The following TCEA1 variants were observed in gnomAD, a reference collection of about 807,000 sequenced individuals.
TCEA1 encodes the protein transcription elongation factor A1.
In TCEA1, 21 loss-of-function variants were observed where a neutral mutation model predicts 43.8. The observed-to-expected ratio is 0.48, with a 90% CI of 0.34 to 0.69. TCEA1 has a LOEUF of 0.69. TCEA1 is among the 30% of genes least tolerant of loss of function. The probability of loss-of-function intolerance (pLI) is 0.01; values close to 1 mark genes in which losing one functional copy is unlikely to be tolerated. For missense variants in TCEA1, 250 were observed against 365.1 expected, an observed-to-expected ratio of 0.68 and a Z score of 2.57; for synonymous variants, 104 against 117.5, an observed-to-expected ratio of 0.88 and a Z score of 0.75.
In TCEA1 at chr8:53,977,355, C is replaced by T. The variant is rs566423275; in HGVS notation, c.825+1670G>A. Among the ~76,000 whole-genome samples, 19 of 152,248 alleles carry T rather than the reference C, an allele frequency of 1.2e-4. No homozygotes were observed. In the South Asian group the frequency reaches 2.1e-3, roughly 17 times the overall value. On this transcript the variant is annotated intron_variant, in intron 8 of 9. Coordinates refer to ENST00000521604, the MANE Select transcript of TCEA1 (RefSeq NM_006756.4). ...GAAAACAAAAATATTTGCATGTATACACATAAAATACCTAAGTTTCACAAC... is the reference window on the plus strand; with the variant it reads ...GAAAACAAAAATATTTGCATGTATATACATAAAATACCTAAGTTTCACAAC...
In TCEA1 at chr8:53,988,168, C is replaced by G. The variant is rs1803751956; in HGVS notation, c.412G>C (p.Asp138His). Residue 138 changes from aspartate (D) to histidine (H), a missense_variant, in exon 5 of 10, where the codon GAT (aspartate) becomes CAT (histidine). By Grantham distance (81) the Asp-to-His change is moderately conservative. Transcript: ENST00000521604. Reference protein sequence around the residue: ...SSFPRAPSTSDSVRLKCREML... With the variant: ...SSFPRAPSTSHSVRLKCREML... ...TCCCTACACTTCAACCGCACAGAAT[C>G]AGAAGTGCTTGGTGCCCGAGGAAAG... 6.2e-7 allele frequency: 1 copy of G among 1,612,880 alleles called. No individual in the cohort carries two copies. Among genetic ancestry groups the G allele is most frequent in the Non-Finnish European group, 8.5e-7 (1 of 1,179,488 alleles).
intron 9 of TCEA1, among the ~76,000 whole-genome samples, chr8:53,968,521 C>A (rs1803058723): frequency 6.6e-6 from 1 of 152,088 alleles, no homozygotes; most frequent in Admixed American, 6.6e-5. Flanking sequence ...TCAAAGCAAA[C>A]TGCACTGTAC....
At chr8:53,981,277 A>G (rs981038990) in intron 7 of TCEA1, among the ~76,000 whole-genome samples, 1 of 152,254 alleles carries the variant, frequency 6.6e-6, no homozygotes, top group African/African-American at 2.4e-5. Context: ...AAGATTTTCA[A>G]TGTTGATGAA....
chr8:53,978,243 T>C (rs558264378), intron 8 of TCEA1, among the ~76,000 whole-genome samples: 2 of 151,862 alleles, frequency 1.3e-5, no homozygotes, highest in African/African-American at 4.8e-5. Flanking sequence ...CGCAAAAAAA[T>C]AATAATAATT....
chr8:53,984,074 T>C (rs1803608459), intron 7 of TCEA1, among the ~76,000 whole-genome samples: 1 of 152,114 alleles, frequency 6.6e-6, no homozygotes, highest in Non-Finnish European at 1.5e-5. Context: ...CACTCCAGCC[T>C]GGTCAACAAA....
intron 2 of TCEA1, among the ~76,000 whole-genome samples, chr8:54,007,331 C>T (rs6473903): frequency 0.13 from 20,139 of 151,926 alleles, 3,534 homozygotes; most frequent in African/African-American, 0.41. Context: ...TCATGCTCCC[C>T]AATTTGTGTG....
At chr8:53,995,238 T>G (rs1319174364) in intron 3 of TCEA1, among the ~76,000 whole-genome samples, 1 of 144,766 alleles carries the variant, frequency 6.9e-6, no homozygotes, top group Non-Finnish European at 1.5e-5. Flanking sequence ...GAGGTTGCAG[T>G]GAGCCGAGAT....
chr8:53,975,611 T>A (rs1446684291), intron 8 of TCEA1, among the ~76,000 whole-genome samples: 2 of 152,144 alleles, frequency 1.3e-5, no homozygotes. Context: ...CTTGCAGATA[T>A]TATGCTAAGT....
chr8:53,973,684 T>TG (rs1052710647), intron 8 of TCEA1: 99 of 555,268 alleles, frequency 1.8e-4, no homozygotes, highest in Non-Finnish European at 3.0e-4. Context: ...AAGCAGCTCA[T>TG]GAAAAAAAAG....
intron 1 of TCEA1, among the ~76,000 whole-genome samples, chr8:54,016,354 C>T (rs1804826654): frequency 6.6e-6 from 1 of 152,070 alleles, no homozygotes; most frequent in East Asian, 1.9e-4. Flanking sequence ...GCCTGTAGCC[C>T]CAGCTACTCG....
chr8:53,981,418 G>A (rs1803496523), intron 7 of TCEA1, among the ~76,000 whole-genome samples: 1 of 152,182 alleles, frequency 6.6e-6, no homozygotes, highest in South Asian at 2.1e-4. Flanking sequence ...TCAAGTTGAA[G>A]CCAATGCTCA....
chr8:54,018,027 T>C (rs910643322), intron 1 of TCEA1, among the ~76,000 whole-genome samples: 98 of 152,334 alleles, frequency 6.4e-4, no homozygotes, highest in African/African-American at 2.2e-3. Flanking sequence ...TAAGAATGAA[T>C]TTAATTCTAT....
intron 7 of TCEA1, among the ~76,000 whole-genome samples, chr8:53,981,163 T>C (rs558287799): frequency 1.7e-4 from 26 of 152,258 alleles, no homozygotes; most frequent in Middle Eastern, 3.4e-3. Context: ...CTCCATAACA[T>C]AGTACAAAAT....
At chr8:53,969,027 C>T (rs998889230) in intron 9 of TCEA1, among the ~76,000 whole-genome samples, 1 of 152,146 alleles carries the variant, frequency 6.6e-6, no homozygotes, top group Non-Finnish European at 1.5e-5. Flanking sequence ...CGGTGGCTCA[C>T]GCCTGTAATC....
chr8:53,980,719 G>A (rs926398200), intron 7 of TCEA1, among the ~76,000 whole-genome samples: 1 of 152,060 alleles, frequency 6.6e-6, no homozygotes, highest in African/African-American at 2.4e-5. Context: ...ATTGAAATCA[G>A]GCCAATTAAT....
intron 1 of TCEA1, among the ~76,000 whole-genome samples, chr8:54,013,702 A>C (rs1194556836): frequency 2.3e-5 from 3 of 127,762 alleles, no homozygotes; most frequent in East Asian, 4.1e-4. Context: ...AAAAAAAAAA[A>C]CAAAAAACAG....
intron 4 of TCEA1, among the ~76,000 whole-genome samples, chr8:53,991,465 C>T (rs1286285279): frequency 6.6e-5 from 10 of 150,510 alleles, no homozygotes; most frequent in African/African-American, 1.5e-4. Context: ...GAGGCCAAGG[C>T]GGGCGGATCA....
rs1043890740 is a variant in TCEA1 at position 53,993,692 on chromosome 8, T to C, written c.296A>G (p.Asn99Ser). The part of the protein sequence containing the change: ...KKKEPAITSQ[N>S]SPEAREESTS... ...CCTTTCTTCTCTTGCCTCAGGGCTG[T>C]TCTGCGATGTAATTGCAGGTTCTTT... is the stretch of plus-strand genomic sequence containing the variant. The change falls in exon 4 of 10, where the codon AAC becomes AGC. Residue 99 changes from asparagine (N) to serine (S), a missense_variant. By Grantham distance (46) the Asn-to-Ser change is conservative (BLOSUM62 1). Transcript: ENST00000521604. The C allele has an allele frequency of 3.1e-6, 5 of 1,613,588 alleles. No individual in the cohort carries two copies. In the African/African-American group the frequency reaches 6.7e-5, roughly 22 times the overall value.
chr8:53,991,262 G>A lies in TCEA1; in HGVS notation c.320+2406C>T, dbSNP rs188668028. Among the ~76,000 whole-genome samples, 602 of 151,746 alleles carry A rather than the reference G, an allele frequency of 4.0e-3. 4 individuals are homozygous for A. Among genetic ancestry groups the A allele is most frequent in the African/African-American group, 0.014 (572 of 41,308 alleles). On this transcript the variant is annotated intron_variant, in intron 4 of 9. Coordinates refer to ENST00000521604, the MANE Select transcript of TCEA1 (RefSeq NM_006756.4). ...ACAAAAATTAGCTGGGTGTGTTGAC[G>A]TGCACCTCTAATCCCAGCTACTCGG...
Sources: allele counts gnomAD v4.1 joint callset (sites outside exome capture counted in the v4.1 genomes callset), GRCh38; gene constraint gnomAD v4.1.1; transcripts MANE v1.5; gene names NCBI Gene and HGNC (gene_info 2026-07-23, HGNC 2026-07-21).